The following ANKRD52 variants were observed in gnomAD, a reference collection of about 807,000 sequenced individuals.
ANKRD52 encodes the protein serine/threonine-protein phosphatase 6 regulatory ankyrin repeat subunit C.
ANKRD52 carries 7 observed loss-of-function variants against 116.0 expected under a neutral mutation model. The ratio of observed to expected loss-of-function variants is 0.06; its 90% CI spans 0.03 to 0.11. The LOEUF is 0.11. Among genes scored for constraint, ANKRD52 ranks in the 10% least tolerant of loss-of-function variants. ANKRD52 has a pLI of 1.00. For synonymous variants in ANKRD52, 528 were observed against 578.1 expected, an observed-to-expected ratio of 0.91 and a Z score of 1.24; for missense variants, 839 against 1,408.6, an observed-to-expected ratio of 0.60 and a Z score of 6.47.
Position 56,248,431 on chromosome 12 carries a change from C to A in ANKRD52, c.1776+64G>T. On this transcript the variant is annotated intron_variant, in intron 17 of 27. Coordinates refer to ENST00000267116, the MANE Select transcript of ANKRD52 (RefSeq NM_173595.4). This position sits in a 1 kb window ranked among gnomAD's most constrained non-coding sequence, Gnocchi z 5.1. ...AAGGATAACTTCACAAGTGCTGGCA[C>A]CTTTGTTAGGGCCTGGGAACAGGTA... 1 of 1,523,084 alleles carries A rather than the reference C, an allele frequency of 6.6e-7. No homozygotes were observed. Among genetic ancestry groups the A allele is most frequent in the Non-Finnish European group, 9.0e-7 (1 of 1,117,298 alleles). The allele number at this position is 1,523,084 out of a possible 1,614,324, so 94.3% of individuals were successfully genotyped here. A position where few individuals can be genotyped will look rare whatever the true frequency, so the allele number is the denominator to read the frequency against.
In ANKRD52 at chr12:56,239,418, TG is replaced by T. The variant is rs1871065243; in HGVS notation, c.*3723del. The T allele has an allele frequency of 6.6e-6, 1 of 152,206 alleles. No individual in the cohort carries two copies. Among genetic ancestry groups the T allele is most frequent in the Non-Finnish European group, 1.5e-5 (1 of 68,066 alleles). 9.4% of individuals were successfully genotyped at this position (152,206 alleles called of 1,614,324 possible). A position where few individuals can be genotyped will look rare whatever the true frequency, so the allele number is the denominator to read the frequency against. On this transcript the variant is annotated 3_prime_UTR_variant, in exon 28 of 28. Transcript: ENST00000267116. ...AAGGTAGGGTTCAAACTAGGCGGGA[TG>T]GGGGCCCATACTGGTTTGCCCCAGG...
In ANKRD52 at chr12:56,243,080, C is replaced by G; in HGVS notation, c.*62G>C. The G allele has an allele frequency of 6.7e-7, 1 of 1,486,704 alleles. No individual in the cohort carries two copies. The highest frequency in any genetic ancestry group is 1.4e-5 in the South Asian group (1 of 73,748). 92.1% of individuals were successfully genotyped at this position (1,486,704 alleles called of 1,614,324 possible). On this transcript the variant is annotated 3_prime_UTR_variant, in exon 28 of 28. Transcript: ENST00000267116. The surrounding 1 kb of genome is among the most constrained non-coding windows in gnomAD (Gnocchi z 4.6). ...CTTTAAAGTGCCCTAAATGTTTAGA[C>G]TTTTTCTAAATAAATAGAATTAGAT...
chr12:56,251,434 C>A (rs980666155), intron 15 of ANKRD52, among the ~76,000 whole-genome samples: 2 of 151,854 alleles, frequency 1.3e-5, no homozygotes, highest in Non-Finnish European at 2.9e-5. Flanking sequence ...TTAGTAGAGA[C>A]GGGGTTTCAC....
rs200301258 is a variant in ANKRD52 at position 56,257,833 on chromosome 12, C to T, written c.106G>A (p.Val36Met). The T allele has an allele frequency of 3.3e-5, 54 of 1,613,846 alleles. No individual in the cohort carries two copies. In the East Asian group the frequency reaches 1.2e-3, roughly 35 times the overall value. The change falls in exon 2 of 28, where the codon GTG becomes ATG. Residue 36 changes from valine (V) to methionine (M), a missense_variant. This residue lies in a region of ANKRD52 where 287 missense variants were observed against 598.1 expected (regional missense o/e 0.48). Transcript: ENST00000267116. ...SLLSQKENIN[V>M]LDQERRTPLH... The stretch of plus-strand genomic sequence containing the variant: ...CCTCCCTGCTCCCAACTCACCAGCA[C>T]ATTGATGTTCTCCTTCTGCGAGAGT...
chr12:56,246,988 TATCAGGGAA>T (rs1871440042), intron 20 of ANKRD52, among the ~76,000 whole-genome samples: 1 of 147,514 alleles, frequency 6.8e-6, no homozygotes, highest in African/African-American at 2.5e-5. Flanking sequence ...AAAGCACAGA[TATCAGGGAA>T]ATCAGCTGGG....
At chr12:56,250,225 T>C (rs1350133247) in intron 15 of ANKRD52, among the ~76,000 whole-genome samples, 2 of 151,608 alleles carry the variant, frequency 1.3e-5, no homozygotes, top group African/African-American at 2.4e-5. Context: ...ATTAATTTAT[T>C]TATTTATTTA....
Position 56,237,980 on chromosome 12 carries a change from A to C in ANKRD52, c.*5162T>G. ...GCAGGGTCATTAATCTGCGGGGAGA[A>C]CATTGTGCTTTAGCCCAGGGAGGGG... On this transcript the variant is annotated 3_prime_UTR_variant, in exon 28 of 28. Coordinates refer to ENST00000267116, the MANE Select transcript of ANKRD52 (RefSeq NM_173595.4). The C allele has an allele frequency of 6.0e-6, 2 of 335,362 alleles. No homozygotes were observed. Among genetic ancestry groups the C allele is most frequent in the Middle Eastern group, 8.4e-4 (1 of 1,186 alleles). The allele number at this position is 335,362 out of a possible 1,614,324, so 20.8% of individuals were successfully genotyped here.
In ANKRD52 at chr12:56,252,777, C is replaced by T. The variant is rs777077119; in HGVS notation, c.1301+3G>A. 1.7e-5 allele frequency: 27 copies of T among 1,613,030 alleles called. No homozygotes were observed. The highest frequency in any genetic ancestry group is 2.3e-5 in the Non-Finnish European group (27 of 1,179,594). On this transcript the variant is annotated splice_donor_region_variant and intron_variant, in intron 12 of 27. Coordinates refer to ENST00000267116, the MANE Select transcript of ANKRD52 (RefSeq NM_173595.4). The surrounding 1 kb of genome is among the most constrained non-coding windows in gnomAD (Gnocchi z 4.7). ...AAGCATGGGAGAGAGAAAGAGAACTCACCCTCCGGAAGCAGCAGCATGAAG... is the reference window on the plus strand; with the variant it reads ...AAGCATGGGAGAGAGAAAGAGAACTTACCCTCCGGAAGCAGCAGCATGAAG...
At position 56,254,975 on chromosome 12, in the gene ANKRD52, C is replaced by A. The variant is rs747429659; in HGVS notation, c.463-23G>T. On this transcript the variant is annotated intron_variant, in intron 5 of 27. Transcript: ENST00000267116. This position sits in a 1 kb window ranked among gnomAD's most constrained non-coding sequence, Gnocchi z 4.6. ...CGTCTGCATCAGGATATGAAAGACA[C>A]CTGTTCAGAGCTAGATTCGTGCCCT... 1.9e-6 allele frequency: 3 copies of A among 1,603,552 alleles called. No homozygotes were observed. Among genetic ancestry groups the A allele is most frequent in the Non-Finnish European group, 2.6e-6 (3 of 1,170,994 alleles).
chr12:56,257,407 G>A, intron 2 of ANKRD52, 46 bp from the exon 3 acceptor site: 1 of 1,489,618 alleles, frequency 6.7e-7, no homozygotes, highest in Non-Finnish European at 9.2e-7. Flanking sequence ...GGGGTAAGGG[G>A]GCTATCAAGG....
chr12:56,257,691 A>T, intron 2 of ANKRD52, 137 bp downstream of exon 2: 1 of 837,438 alleles, frequency 1.2e-6, no homozygotes, highest in Non-Finnish European at 1.9e-6. Flanking sequence ...AATGCAGAGT[A>T]GGCTTTCACT....
chr12:56,243,401 C>T lies in ANKRD52; in HGVS notation c.2981-9G>A. The T allele has an allele frequency of 6.2e-7, 1 of 1,612,970 alleles. No homozygotes were observed. ...CAGTGCTGGGGTGTGACCTGCAGGG[C>T]CAAGGGGGAGAACTGAGGCATAGAG... On this transcript the variant is annotated splice_polypyrimidine_tract_variant and intron_variant, in intron 27 of 27. Coordinates refer to ENST00000267116, the MANE Select transcript of ANKRD52 (RefSeq NM_173595.4). The surrounding 1 kb of genome is among the most constrained non-coding windows in gnomAD (Gnocchi z 4.6).
At chr12:56,245,314 C>T in intron 21 of ANKRD52, 63 bp downstream of exon 21, 1 of 1,602,048 alleles carries the variant, frequency 6.2e-7, no homozygotes, top group Admixed American at 1.7e-5. Flanking sequence ...AACAACCCAC[C>T]TGTCCCCCTC....
In ANKRD52 at chr12:56,243,948, G is replaced by A. The variant is rs1329148402; in HGVS notation, c.2889-72C>T. 1 of 1,600,270 alleles carries A rather than the reference G, an allele frequency of 6.2e-7. No homozygotes were observed. The highest frequency in any genetic ancestry group is 8.5e-7 in the Non-Finnish European group (1 of 1,171,296). ...CACCTCCAGACAGGGTGGCAAGGGTGCTGAACAAATACAATGGGCTCCAGA... is the reference window on the plus strand; with the variant it reads ...CACCTCCAGACAGGGTGGCAAGGGTACTGAACAAATACAATGGGCTCCAGA... On this transcript the variant is annotated intron_variant, in intron 26 of 27. Transcript: ENST00000267116. The surrounding 1 kb of genome is among the most constrained non-coding windows in gnomAD (Gnocchi z 4.6).
intron 20 of ANKRD52, 72 bp from the exon 21 acceptor site, chr12:56,245,668 G>T: frequency 7.0e-7 from 1 of 1,422,880 alleles, no homozygotes; most frequent in Non-Finnish European, 9.5e-7. Flanking sequence ...CTGGAGTCTG[G>T]CTCAGGAGTA....
Position 56,247,667 on chromosome 12 carries a change from C to T in ANKRD52, c.2066+20G>A, listed in dbSNP as rs974315200. ...CCGCAAGGACTGGAAAACCTGCACC[C>T]CACCCTGGCCCACACTCACTGTCCA... On this transcript the variant is annotated intron_variant, in intron 19 of 27. Coordinates refer to ENST00000267116, the MANE Select transcript of ANKRD52 (RefSeq NM_173595.4). 4 of 1,604,898 alleles carry T rather than the reference C, an allele frequency of 2.5e-6. No individual in the cohort carries two copies. Among genetic ancestry groups the T allele is most frequent in the Non-Finnish European group, 3.4e-6 (4 of 1,175,690 alleles).
intron 15 of ANKRD52, among the ~76,000 whole-genome samples, chr12:56,251,179 G>A (rs1871674565): frequency 6.6e-6 from 1 of 152,082 alleles, no homozygotes; most frequent in South Asian, 2.1e-4. Context: ...GACCTCAGAT[G>A]ATCTGCCTGC....
rs1304232879 is a variant in ANKRD52, at chr12:56,254,739, C to T, written c.551-19G>A. On this transcript the variant is annotated intron_variant, in intron 6 of 27. Transcript: ENST00000267116. The surrounding 1 kb of genome is among the most constrained non-coding windows in gnomAD (Gnocchi z 4.6). ...AAGTGCCCTGAGAAAAGAGAAGACA[C>T]TCTAAAGGAAGTAGAAGGTAAACTC... The T allele has an allele frequency of 2.5e-6, 4 of 1,603,570 alleles. No homozygotes were observed. Among genetic ancestry groups the T allele is most frequent in the Admixed American group, 3.4e-5 (2 of 59,586 alleles).
At chr12:56,249,885 A>G (rs1281929100) in intron 15 of ANKRD52, among the ~76,000 whole-genome samples, 2 of 152,184 alleles carry the variant, frequency 1.3e-5, no homozygotes, top group African/African-American at 2.4e-5. Flanking sequence ...ACTAAAATAC[A>G]AAAAATTAGC....
Sources: gnomAD v4.1 joint callset for allele counts (sites outside exome capture counted in the v4.1 genomes callset) on GRCh38, gnomAD v4.1.1 for gene constraint, gnomAD v4.1.1 regional missense constraint, Gnocchi (gnomAD v3.1) non-coding constraint, MANE v1.5 for transcripts, NCBI Gene and HGNC (gene_info 2026-07-23, HGNC 2026-07-21) for gene names.